The following DNAH5 variants were observed in gnomAD, a reference collection of about 807,000 sequenced individuals.
DNAH5 encodes dynein axonemal heavy chain 5, also known as axonemal beta dynein heavy chain 5.
Under a neutral mutation model 518.2 loss-of-function variants are expected in DNAH5, and 372 were observed. The ratio of observed to expected loss-of-function variants is 0.72; its 90% CI spans 0.66 to 0.78. DNAH5 has a LOEUF of 0.78. Ranked by LOEUF, DNAH5 falls within the 30% of genes least tolerant of loss-of-function variation. The pLI is 0.00. For missense variants in DNAH5, 5,523 were observed against 5,687.0 expected (o/e 0.97, Z 0.93); for synonymous variants, 2,039 against 2,025.9 (o/e 1.01, Z -0.17).
At chr5:13,756,947 A>C (rs1751074819) in intron 61 of DNAH5, among the ~76,000 whole-genome samples, 1 of 152,120 alleles carries the variant, frequency 6.6e-6, no homozygotes, top group South Asian at 2.1e-4. Flanking sequence ...ATAAGTGAAA[A>C]CATGTGGCAT....
At chr5:13,714,862 T>C (rs1744081423) in intron 74 of DNAH5, among the ~76,000 whole-genome samples, 1 of 152,196 alleles carries the variant, frequency 6.6e-6, no homozygotes, top group Non-Finnish European at 1.5e-5. Context: ...AAACAAAATT[T>C]AATCAAGAGA....
At chr5:13,812,324 G>A (rs1328066549) in intron 43 of DNAH5, among the ~76,000 whole-genome samples, 1 of 150,750 alleles carries the variant, frequency 6.6e-6, no homozygotes, top group Non-Finnish European at 1.5e-5. Flanking sequence ...TTCTTTTTTT[G>A]AGACAGGATC....
intron 12 of DNAH5, among the ~76,000 whole-genome samples, chr5:13,905,824 G>T (rs893035987): frequency 6.6e-6 from 1 of 152,156 alleles, no homozygotes; most frequent in Non-Finnish European, 1.5e-5. Context: ...TCTACACACC[G>T]ATGTTTATAG....
rs1219654551 is a variant in DNAH5 at position 13,992,466 on chromosome 5, G to C, written c.12+19182C>G. Among the ~76,000 whole-genome samples, 5 of 152,272 alleles carry C rather than the reference G, an allele frequency of 3.3e-5. No homozygotes were observed. The East Asian group carries it at 7.7e-4, about 23-fold the overall frequency. The stretch of plus-strand genomic sequence containing the variant: ...GGTCATTTGTACCTAATTTTGCTTT[G>C]ACCAAAATGGATGCAAATTTTAACC... On this transcript the variant is annotated intron_variant, in intron 1 of 78. Coordinates refer to the DNAH5 transcript ENST00000681290.
At position 13,907,914 on chromosome 5, in the gene DNAH5, G is replaced by A. The variant is rs142648248; in HGVS notation, c.1644+3472C>T. On this transcript the variant is annotated intron_variant, in intron 12 of 78. Coordinates refer to ENST00000265104, the MANE Select transcript of DNAH5 (RefSeq NM_001369.3). ...TTAATTGATGTAGTATTAAATTGAG[G>A]AGACTAGTTTGATATGCGATAAGAA... 2.0e-4 allele frequency among the ~76,000 whole-genome samples: 31 copies of A among 152,296 alleles called. No individual in the cohort carries two copies. In the East Asian group the frequency reaches 5.2e-3, roughly 26 times the overall value.
In DNAH5 at chr5:13,758,946, G is replaced by C. The variant is rs1167069031; in HGVS notation, c.10319C>G (p.Ala3440Gly). The change falls in exon 61 of 79, where the codon GCC becomes GGC. Residue 3440 changes from alanine (A) to glycine (G), a missense_variant. Around this residue, in one of 3 missense-constraint regions of DNAH5, gnomAD observed 5,121 missense variants for 5,223.3 expected, o/e 0.98. Transcript: ENST00000265104. ...CTGGGCTTTCTGCAGATCCTGCATG[G>C]CCAGGAGATGGCGATTCTCTTGCAC... Reference protein sequence around the residue: ...LVVQENRHLLAMQDLQKAQAE... With the variant: ...LVVQENRHLLGMQDLQKAQAE... 6.2e-7 allele frequency: 1 copy of C among 1,614,138 alleles called. No homozygotes were observed. Among genetic ancestry groups the C allele is most frequent in the Non-Finnish European group, 8.5e-7 (1 of 1,180,018 alleles).
chr5:13,775,655 G>A (rs1234487801), intron 55 of DNAH5, among the ~76,000 whole-genome samples: 2 of 152,038 alleles, frequency 1.3e-5, no homozygotes, highest in Non-Finnish European at 2.9e-5. Flanking sequence ...AGCAAGAGAT[G>A]GGTTAATCAG....
Position 13,865,952 on chromosome 5 carries a change from A to G in DNAH5, c.4117-46T>C, listed in dbSNP as rs200088015. On this transcript the variant is annotated intron_variant, in intron 26 of 78. Coordinates refer to ENST00000265104, the MANE Select transcript of DNAH5 (RefSeq NM_001369.3). ...AACGCATCAAAATGATTTATACATGATCAACATACAAATGAAAATATAAGA... is the reference window on the plus strand; with the variant it reads ...AACGCATCAAAATGATTTATACATGGTCAACATACAAATGAAAATATAAGA... The G allele has an allele frequency of 1.2e-3, 1,503 of 1,264,548 alleles. 5 individuals are homozygous for G. The highest frequency in any genetic ancestry group is 1.4e-3 in the Non-Finnish European group (1,178 of 865,444). The allele number at this position is 1,264,548 out of a possible 1,614,324, so 78.3% of individuals were successfully genotyped here. A position where few individuals can be genotyped will look rare whatever the true frequency, so the allele number is the denominator to read the frequency against.
intron 41 of DNAH5, among the ~76,000 whole-genome samples, chr5:13,818,878 A>AT (rs760352339): frequency 2.0e-4 from 31 of 152,322 alleles, no homozygotes; most frequent in Admixed American, 6.5e-4. Flanking sequence ...AACCTTTTGG[A>AT]TTATTAACAT....
At position 13,803,914 on chromosome 5, in the gene DNAH5, T is replaced by TC. The variant is rs144931363; in HGVS notation, c.7887+3676_7887+3677insG. On this transcript the variant is annotated intron_variant, in intron 47 of 78. Transcript: ENST00000265104. ...TTTCCTTCCAGGTCTAGGAGTCTTA[T>TC]TTTTTAAAAAATAAAACCTATTGCT... Among the ~76,000 whole-genome samples, 38 of 152,324 alleles carry TC rather than the reference T, an allele frequency of 2.5e-4. No homozygotes were observed. In the East Asian group the frequency reaches 7.3e-3, roughly 29 times the overall value.
In DNAH5 at chr5:13,885,986, A is replaced by T; in HGVS notation, c.2721T>A (p.Val907=). The change falls in exon 18 of 79, where the codon GTT becomes GTA. Residue 907 remains valine, a synonymous_variant. Coordinates refer to ENST00000265104, the MANE Select transcript of DNAH5 (RefSeq NM_001369.3). ...ESEKISNENS[V]NYKNESSAKR... ...TACCTGAACTTTCATTTTTGTAATTAACACTATTCTCATTGGATATTTTTT... is the reference window on the plus strand; with the variant it reads ...TACCTGAACTTTCATTTTTGTAATTTACACTATTCTCATTGGATATTTTTT... 1 of 1,613,120 alleles carries T rather than the reference A, an allele frequency of 6.2e-7. No homozygotes were observed. The highest frequency in any genetic ancestry group is 8.5e-7 in the Non-Finnish European group (1 of 1,179,774).
At chr5:13,945,511 T>A (rs1347728722), upstream of DNAH5, among the ~76,000 whole-genome samples, 1 of 152,232 alleles carries the variant, frequency 6.6e-6, no homozygotes, top group Non-Finnish European at 1.5e-5. Context: ...ACGGACGGCC[T>A]CCATATGTCA....
intron 76 of DNAH5, among the ~76,000 whole-genome samples, chr5:13,702,737 G>A (rs1561076106): frequency 6.6e-6 from 1 of 152,182 alleles, no homozygotes; most frequent in Non-Finnish European, 1.5e-5. Context: ...GAGAGGGATG[G>A]AGGGTGGTGT....
intron 1 of DNAH5, among the ~76,000 whole-genome samples, chr5:13,989,024 G>C (rs1373013274): frequency 6.6e-6 from 1 of 152,058 alleles, no homozygotes; most frequent in East Asian, 1.9e-4. Context: ...ACCGCACCTG[G>C]CCCAAAAAGT....
intron 68 of DNAH5, among the ~76,000 whole-genome samples, chr5:13,732,954 G>T (rs1360831172): frequency 1.3e-5 from 2 of 152,108 alleles, no homozygotes; most frequent in Non-Finnish European, 2.9e-5. Flanking sequence ...TCCAAAGTTT[G>T]CTCTGAAACT....
At chr5:13,768,607 C>T (rs1752853692) in intron 58 of DNAH5, among the ~76,000 whole-genome samples, 1 of 152,144 alleles carries the variant, frequency 6.6e-6, no homozygotes, top group Non-Finnish European at 1.5e-5. Flanking sequence ...ATCACCTACT[C>T]CATTGGCCTC....
chr5:13,824,128 AAGTCTCATGTATG>A (rs1463500664), intron 39 of DNAH5, 58 bp downstream of exon 39: 1 of 1,413,970 alleles, frequency 7.1e-7, no homozygotes, highest in Non-Finnish European at 1.0e-6. Flanking sequence ...AAATATTTTG[AAGTCTCATGTATG>A]GGCAGTTAGT....
At chr5:13,839,894 C>A (rs549763498) in intron 34 of DNAH5, among the ~76,000 whole-genome samples, 2 of 152,238 alleles carry the variant, frequency 1.3e-5, no homozygotes, top group Admixed American at 1.3e-4. Context: ...ACAAAGACAG[C>A]AATAAACAAT....
At chr5:13,813,485 T>G (rs1014968320) in intron 43 of DNAH5, among the ~76,000 whole-genome samples, 2 of 150,604 alleles carry the variant, frequency 1.3e-5, no homozygotes, top group African/African-American at 4.9e-5. Flanking sequence ...AATCCTGAGT[T>G]GCCTCCCAGA....
Sources: gnomAD v4.1 joint callset for allele counts (sites outside exome capture counted in the v4.1 genomes callset) on GRCh38, gnomAD v4.1.1 for gene constraint, gnomAD v4.1.1 regional missense constraint, MANE v1.5 for transcripts, NCBI Gene and HGNC (gene_info 2026-07-23, HGNC 2026-07-21) for gene names.